COG5: variants seen among roughly 807,000 people sequenced by gnomAD.
The protein encoded by COG5 is conserved oligomeric Golgi complex subunit 5.
COG5 carries 86 observed loss-of-function variants against 110.4 expected under a neutral mutation model. The ratio of observed to expected loss-of-function variants is 0.78; its 90% confidence interval spans 0.65 to 0.93. The LOEUF is 0.93. COG5 is among the 40% of genes least tolerant of loss of function. The probability of loss-of-function intolerance (pLI) is 0.00; values close to 1 mark genes in which losing one functional copy is unlikely to be tolerated. For synonymous variants in COG5, 360 were observed against 334.6 expected (o/e 1.08, Z -0.83); for missense variants, 1,077 against 987.0 (o/e 1.09, Z -1.22).
At chr7:107,299,711 T>C (rs554813362) in intron 11 of COG5, among the ~76,000 whole-genome samples, 1 of 151,192 alleles carries the variant, frequency 6.6e-6, no homozygotes, top group South Asian at 2.1e-4. Context: ...ACAATATTCC[T>C]TATCAAGATA....
intron 6 of COG5, among the ~76,000 whole-genome samples, chr7:107,438,036 A>G (rs977582659): frequency 1.3e-5 from 2 of 152,084 alleles, no homozygotes; most frequent in Non-Finnish European, 2.9e-5. Context: ...TTCTTTTCCT[A>G]CCTGGAAACT....
intron 13 of COG5, 61 bp from the exon 14 acceptor site, chr7:107,281,460 G>T: frequency 2.4e-6 from 3 of 1,253,646 alleles, no homozygotes; most frequent in Non-Finnish European, 3.5e-6. Context: ...AAAGTAAAGA[G>T]CAAGATAAAA....
At chr7:107,259,732 G>A (rs1384441569) in intron 14 of COG5, among the ~76,000 whole-genome samples, 1 of 152,150 alleles carries the variant, frequency 6.6e-6, no homozygotes, top group East Asian at 1.9e-4. Flanking sequence ...AAAGAAATGG[G>A]AAAGGGGAAG....
chr7:107,531,086 T>C (rs1405267432), intron 5 of COG5, among the ~76,000 whole-genome samples: 1 of 152,112 alleles, frequency 6.6e-6, no homozygotes, highest in African/African-American at 2.4e-5. Flanking sequence ...CTAAGTGCTA[T>C]GGTTTAATTT....
intron 11 of COG5, among the ~76,000 whole-genome samples, chr7:107,311,783 T>C (rs1808294014): frequency 6.6e-6 from 1 of 152,150 alleles, no homozygotes; most frequent in Admixed American, 6.5e-5. Flanking sequence ...ACCTTTAGTG[T>C]TAATTAAAAA....
intron 6 of COG5, among the ~76,000 whole-genome samples, chr7:107,451,019 G>C (rs1425835378): frequency 6.6e-6 from 1 of 152,138 alleles, no homozygotes; most frequent in Non-Finnish European, 1.5e-5. Context: ...GTACTCTATG[G>C]AAAGGGCTGT....
intron 5 of COG5, among the ~76,000 whole-genome samples, chr7:107,530,323 C>T (rs1468607079): frequency 2.0e-5 from 3 of 152,066 alleles, no homozygotes; most frequent in Non-Finnish European, 4.4e-5. Flanking sequence ...GTTTTTGGGC[C>T]GGACGCAGTG....
chr7:107,264,996 T>C (rs1417200876), intron 14 of COG5, among the ~76,000 whole-genome samples: 1 of 152,052 alleles, frequency 6.6e-6, no homozygotes, highest in Non-Finnish European at 1.5e-5. Context: ...AAGCATTACA[T>C]AAAGAGGAAG....
chr7:107,271,324 A>T (rs1220837389), intron 14 of COG5, among the ~76,000 whole-genome samples: 1 of 152,182 alleles, frequency 6.6e-6, no homozygotes, highest in African/African-American at 2.4e-5. Flanking sequence ...AAATTTTTTT[A>T]AAGTTAGAAT....
chr7:107,414,703 CTTTTTTTTTTTTTTTTTTTTTTT>C lies in COG5; in HGVS notation c.539-2094_539-2072del, dbSNP rs530323655. Among the ~76,000 whole-genome samples the C allele has an allele frequency of 6.8e-3, 417 of 61,714 alleles. 12 individuals are homozygous for C. The highest frequency in any genetic ancestry group is 0.019 in the Middle Eastern group (2 of 106). 40.5% of individuals were successfully genotyped at this position (61,714 alleles called of 152,430 possible). A position where few individuals can be genotyped will look rare whatever the true frequency, so the allele number is the denominator to read the frequency against. On this transcript the variant is annotated intron_variant, in intron 6 of 21. Coordinates refer to ENST00000297135, the MANE Select transcript of COG5 (RefSeq NM_006348.5). Reference sequence around the variant, plus strand: ...ATTGATTCCAAAATCCTCACTGTCCCTTTTTTTTTTTTTTTTTTTTTTTTTTTTTTTTTTTTTTTTCCGAGACT... The same window carrying C: ...ATTGATTCCAAAATCCTCACTGTCCCTTTTTTTTTTTTTTTTTCCGAGACT...
chr7:107,368,533 T>A (rs1813834853), intron 8 of COG5, among the ~76,000 whole-genome samples: 1 of 152,170 alleles, frequency 6.6e-6, no homozygotes, highest in Non-Finnish European at 1.5e-5. Flanking sequence ...CACCTTATAA[T>A]AATTCATTAA....
intron 10 of COG5, among the ~76,000 whole-genome samples, chr7:107,347,800 C>A (rs1169250963): frequency 6.6e-6 from 1 of 151,962 alleles, no homozygotes. Flanking sequence ...CTGGGTCAGT[C>A]CTCCAGTACA....
intron 10 of COG5, among the ~76,000 whole-genome samples, chr7:107,335,581 T>C (rs1050460792): frequency 6.6e-6 from 1 of 151,724 alleles, no homozygotes; most frequent in Non-Finnish European, 1.5e-5. Context: ...AAACCAGAAA[T>C]AAACAACAAA....
intron 12 of COG5, among the ~76,000 whole-genome samples, chr7:107,295,024 T>TACACACAC (rs1459550399): frequency 1.5e-4 from 19 of 123,480 alleles, no homozygotes; most frequent in African/African-American, 5.7e-4. Flanking sequence ...CACATATATA[T>TACACACAC]ATACACACAC....
chr7:107,404,173 G>A (rs1312624918), intron 7 of COG5, among the ~76,000 whole-genome samples: 2 of 152,040 alleles, frequency 1.3e-5, no homozygotes, highest in African/African-American at 4.8e-5. Flanking sequence ...CTTTTACAAT[G>A]AACTGATATT....
intron 11 of COG5, among the ~76,000 whole-genome samples, chr7:107,301,152 A>G (rs1807232502): frequency 1.3e-5 from 2 of 152,206 alleles, no homozygotes; most frequent in African/African-American, 4.8e-5. Context: ...TTAACTCAAA[A>G]AAGATTAAAT....
intron 6 of COG5, among the ~76,000 whole-genome samples, chr7:107,471,186 C>T (rs2041175803): frequency 6.6e-6 from 1 of 151,948 alleles, no homozygotes; most frequent in Non-Finnish European, 1.5e-5. Flanking sequence ...TATATACAAT[C>T]TTTATTAGGA....
intron 6 of COG5, chr7:107,480,887 A>T (rs566991617): frequency 6.6e-6 from 1 of 152,328 alleles, no homozygotes; most frequent in African/African-American, 2.4e-5. Context: ...GAGCCAAGTG[A>T]ACGTAATCAC....
intron 6 of COG5, among the ~76,000 whole-genome samples, chr7:107,452,314 G>T (rs563041538): frequency 2.0e-5 from 3 of 152,200 alleles, no homozygotes; most frequent in African/African-American, 7.2e-5. Context: ...TGTAAAAGTT[G>T]AAATTCCCTA....
Sources: gnomAD v4.1 joint callset for allele counts (sites outside exome capture counted in the v4.1 genomes callset) on GRCh38, gnomAD v4.1.1 for gene constraint, MANE v1.5 for transcripts, NCBI Gene and HGNC (gene_info 2026-07-23, HGNC 2026-07-21) for gene names.